The following PCDHA3 variants were observed in gnomAD, a reference collection of about 807,000 sequenced individuals.
The protein encoded by PCDHA3 is protocadherin alpha 3, also known as protocadherin alpha-3.
PCDHA3 carries 41 observed loss-of-function variants against 62.2 expected under a neutral mutation model. The observed-to-expected ratio is 0.66, with a 90% CI of 0.51 to 0.86. The LOEUF (loss-of-function observed/expected upper bound fraction) is 0.86. Among genes scored for constraint, PCDHA3 ranks in the 40% least tolerant of loss-of-function variants. The pLI, the probability that PCDHA3 is intolerant of heterozygous loss-of-function variation, is 0.00. For missense variants in PCDHA3, 1,304 were observed against 1,241.2 expected (o/e 1.05, Z -0.76); for synonymous variants, 640 against 555.4 (o/e 1.15, Z -2.14).
intron 1 of PCDHA3, among the ~76,000 whole-genome samples, chr5:140,932,822 A>G (rs1191525374): frequency 6.6e-6 from 1 of 151,946 alleles, no homozygotes; most frequent in Non-Finnish European, 1.5e-5. Context: ...ATAAGTGGGA[A>G]AGTATTGACA....
chr5:141,009,539 C>G lies in PCDHA3; in HGVS notation c.2543-88C>G, dbSNP rs141154047. 10,440 of 1,522,742 alleles carry G rather than the reference C, an allele frequency of 6.9e-3. 51 individuals are homozygous for G. Among genetic ancestry groups the G allele is most frequent in the Admixed American group, 0.011 (516 of 46,760 alleles). 94.3% of individuals were successfully genotyped at this position (1,522,742 alleles called of 1,614,324 possible). A position where few individuals can be genotyped will look rare whatever the true frequency, so the allele number is the denominator to read the frequency against. ...ATTTTTCTGGGGAGGTTCAGCCTGC[C>G]TATGCAGTACTCCTGTACTCTACCA... On this transcript the variant is annotated intron_variant, in intron 3 of 3. Transcript: ENST00000522353.
chr5:140,847,700 CAG>C (rs1424975763), intron 1 of PCDHA3: 1 of 149,786 alleles, frequency 6.7e-6, no homozygotes, highest in Non-Finnish European at 1.5e-5. Context: ...TTTCTGGAAA[CAG>C]ATTGTATAAA....
At chr5:140,822,662 C>A in intron 1 of PCDHA3, 1 of 1,608,488 alleles carries the variant, frequency 6.2e-7, no homozygotes, top group Non-Finnish European at 8.5e-7. Flanking sequence ...ATAATTAATT[C>A]TAATACTGGT....
intron 1 of PCDHA3, among the ~76,000 whole-genome samples, chr5:140,897,735 C>G (rs2066294879): frequency 6.6e-6 from 1 of 152,160 alleles, no homozygotes; most frequent in Non-Finnish European, 1.5e-5. Flanking sequence ...AATAGTATTT[C>G]TAGTTCTAGA....
At chr5:140,829,503 G>C (rs2150169106) in intron 1 of PCDHA3, 4 of 1,613,554 alleles carry the variant, frequency 2.5e-6, no homozygotes, top group Non-Finnish European at 2.5e-6. Flanking sequence ...AACCCGCCGG[G>C]CTGCCACATC....
intron 1 of PCDHA3, among the ~76,000 whole-genome samples, chr5:140,919,193 T>C (rs1444043948): frequency 6.6e-6 from 1 of 152,262 alleles, no homozygotes; most frequent in African/African-American, 2.4e-5. Flanking sequence ...ATTGGTCCTT[T>C]TGTCATTATA....
chr5:140,843,686 CA>C (rs2150365068), intron 1 of PCDHA3: 11 of 1,588,582 alleles, frequency 6.9e-6, no homozygotes, highest in Non-Finnish European at 2.6e-6. Context: ...AGGCGAAGAG[CA>C]AGATTTAAAT....
In PCDHA3 at chr5:140,857,564, T is replaced by C. The variant is rs1254291079; in HGVS notation, c.2394+53973T>C. 1 of 1,596,742 alleles carries C rather than the reference T, an allele frequency of 6.3e-7. No homozygotes were observed. The highest frequency in any genetic ancestry group is 1.3e-5 in the African/African-American group (1 of 74,340). ...GTTGGGCGAGCGCTCGCTGTCGAGC[T>C]ACGTGTCGGTGCACGCGGAGAGCGG... On this transcript the variant is annotated intron_variant, in intron 1 of 3. Coordinates refer to ENST00000522353, the MANE Select transcript of PCDHA3 (RefSeq NM_018906.3).
At chr5:141,001,908 G>T (rs2098043431) in intron 3 of PCDHA3, among the ~76,000 whole-genome samples, 1 of 152,198 alleles carries the variant, frequency 6.6e-6, no homozygotes, top group Non-Finnish European at 1.5e-5. Flanking sequence ...GTTTGAAAAA[G>T]ACTGCAGTGG....
chr5:140,819,782 A>G (rs1326657142), intron 1 of PCDHA3, among the ~76,000 whole-genome samples: 1 of 152,108 alleles, frequency 6.6e-6, no homozygotes, highest in Non-Finnish European at 1.5e-5. Flanking sequence ...CTATATAAGT[A>G]CATGAGATAT....
At chr5:140,903,427 A>G (rs1030133179) in intron 1 of PCDHA3, among the ~76,000 whole-genome samples, 9 of 152,208 alleles carry the variant, frequency 5.9e-5, no homozygotes, top group African/African-American at 1.9e-4. Context: ...TCAGCACAAT[A>G]TGTATCAGTG....
intron 1 of PCDHA3, among the ~76,000 whole-genome samples, chr5:140,941,214 C>CCTTCCTTTCTTT (rs1554214040): frequency 1.6e-5 from 2 of 122,412 alleles, no homozygotes; most frequent in Non-Finnish European, 3.4e-5. Flanking sequence ...TTTCTTTCTT[C>CCTTCCTTTCTTT]CTTTCTTTCT....
At chr5:140,927,265 C>T in intron 1 of PCDHA3, 1 of 1,614,168 alleles carries the variant, frequency 6.2e-7, no homozygotes. Context: ...ACCTCTCTTT[C>T]CTGCCGGCGA....
intron 1 of PCDHA3, among the ~76,000 whole-genome samples, chr5:140,844,226 G>A (rs1049637065): frequency 1.3e-5 from 2 of 149,336 alleles, no homozygotes; most frequent in Non-Finnish European, 3.0e-5. Flanking sequence ...AATATCTTTG[G>A]TGTTTCACTA....
At chr5:140,990,668 G>A (rs1554251661) in intron 3 of PCDHA3, among the ~76,000 whole-genome samples, 1 of 152,178 alleles carries the variant, frequency 6.6e-6, no homozygotes, top group African/African-American at 2.4e-5. Flanking sequence ...TACATTAGAT[G>A]CACACCAAGC....
intron 3 of PCDHA3, among the ~76,000 whole-genome samples, chr5:141,007,174 G>A (rs926344346): frequency 6.6e-6 from 1 of 152,118 alleles, no homozygotes; most frequent in African/African-American, 2.4e-5. Context: ...AGAGAGAAAG[G>A]TCAGGAGAAT....
chr5:140,830,390 A>G (rs1554132803), intron 1 of PCDHA3: 3 of 1,614,042 alleles, frequency 1.9e-6, no homozygotes, highest in South Asian at 1.1e-5. Flanking sequence ...CCCACCCAAG[A>G]TGGATCTCAT....
rs1554122250 is a variant in PCDHA3, at chr5:140,802,620, T to C, written c.1423T>C (p.Phe475Leu). The C allele has an allele frequency of 6.2e-7, 1 of 1,613,936 alleles. No homozygotes were observed. The highest frequency in any genetic ancestry group is 1.1e-5 in the South Asian group (1 of 91,080). Residue 475 changes from phenylalanine to leucine, a missense_variant, in exon 1 of 4, where the codon TTC (phenylalanine) becomes CTC (leucine). Transcript: ENST00000522353. ...GAACAACCCGCCGGGCTGCCACATCTTCACGGTGTCTGCGCGGGACGCGGA... is the reference window on the plus strand; with the variant it reads ...GAACAACCCGCCGGGCTGCCACATCCTCACGGTGTCTGCGCGGGACGCGGA... ...KENNPPGCHI[F>L]TVSARDADAQ...
chr5:140,808,822 G>A, intron 1 of PCDHA3: 1 of 1,612,910 alleles, frequency 6.2e-7, no homozygotes, highest in Non-Finnish European at 8.5e-7. Context: ...TGCCACCTCT[G>A]GGCAGCAACG....
Sources: allele counts gnomAD v4.1 joint callset (sites outside exome capture counted in the v4.1 genomes callset), GRCh38; gene constraint gnomAD v4.1.1; transcripts MANE v1.5; gene names NCBI Gene and HGNC (gene_info 2026-07-23, HGNC 2026-07-21).